The following STAMBPL1 variants were observed in gnomAD, a reference collection of about 807,000 sequenced individuals.
STAMBPL1 encodes the protein STAM binding protein like 1, also known as AMSH-like protease.
A neutral mutation model predicts 52.9 loss-of-function variants in STAMBPL1; 44 were observed. The ratio of observed to expected loss-of-function variants is 0.83; its 90% CI spans 0.65 to 1.07. The LOEUF (loss-of-function observed/expected upper bound fraction) is 1.07. Among genes scored for constraint, STAMBPL1 ranks in the 50% least tolerant of loss-of-function variants. STAMBPL1 has a pLI of 0.00. For synonymous variants in STAMBPL1, 164 were observed against 177.3 expected, an observed-to-expected ratio of 0.92 and a Z score of 0.60; for missense variants, 511 against 520.8, an observed-to-expected ratio of 0.98 and a Z score of 0.18.
chr10:88,905,763 C>T, intron 3 of STAMBPL1, 103 bp downstream of exon 3: 1 of 861,960 alleles, frequency 1.2e-6, no homozygotes, highest in African/African-American at 1.7e-5. Flanking sequence ...ATATTCAGAC[C>T]AATTGCACAG....
chr10:88,882,190 T>G (rs1589343155), intron 1 of STAMBPL1: 1 of 149,590 alleles, frequency 6.7e-6, no homozygotes, highest in South Asian at 2.2e-4. Flanking sequence ...TTTACCTCTA[T>G]CTCAACCTTC....
In STAMBPL1 at chr10:88,921,332, A is replaced by G. The variant is rs1443904151; in HGVS notation, c.1091A>G (p.His364Arg). The G allele has an allele frequency of 6.2e-7, 1 of 1,613,356 alleles. No homozygotes were observed. The highest frequency in any genetic ancestry group is 1.1e-5 in the South Asian group (1 of 91,064). ...TTATCCAGCGTTGATCTTCACACTC[A>G]CTGTTCCTATCAACTCATGTTGCCA... The part of the protein sequence containing the change: ...AFLSSVDLHT[H>R]CSYQLMLPEA... The change falls in exon 9 of 11, where the codon CAC becomes CGC. Residue 364 changes from histidine to arginine, a missense_variant. Around this residue, in one of 3 missense-constraint regions of STAMBPL1, gnomAD observed 137 missense variants for 139.9 expected, o/e 0.98. Coordinates refer to ENST00000371926, the MANE Select transcript of STAMBPL1 (RefSeq NM_020799.4).
intron 4 of STAMBPL1, among the ~76,000 whole-genome samples, chr10:88,909,495 A>G (rs1298118219): frequency 6.6e-6 from 1 of 152,214 alleles, no homozygotes; most frequent in Non-Finnish European, 1.5e-5. Flanking sequence ...ATAATTTTTG[A>G]AAAACACTTT....
At chr10:88,880,838 C>T (rs1310436575) in intron 1 of STAMBPL1, among the ~76,000 whole-genome samples, 200 bp downstream of exon 1, 5 of 152,220 alleles carry the variant, frequency 3.3e-5, no homozygotes, top group African/African-American at 1.2e-4. Context: ...CGGCCGCCTC[C>T]ATCGGCGCCG....
intron 9 of STAMBPL1, among the ~76,000 whole-genome samples, chr10:88,921,752 G>A (rs574926376): frequency 6.6e-6 from 1 of 152,212 alleles, no homozygotes; most frequent in East Asian, 1.9e-4. Flanking sequence ...GGGGAACAAT[G>A]ATTATTGTAG....
intron 8 of STAMBPL1, among the ~76,000 whole-genome samples, chr10:88,919,057 T>C (rs978302169): frequency 6.6e-6 from 1 of 152,170 alleles, no homozygotes; most frequent in Non-Finnish European, 1.5e-5. Flanking sequence ...TTATTAAGTA[T>C]AATAATAGCA....
At chr10:88,920,245 T>C (rs2133216880) in intron 8 of STAMBPL1, among the ~76,000 whole-genome samples, 1 of 152,366 alleles carries the variant, frequency 6.6e-6, no homozygotes, top group East Asian at 1.9e-4. Context: ...TTTTAGTTAA[T>C]AAATACATTT....
chr10:88,891,674 A>C (rs1338936362), intron 1 of STAMBPL1, among the ~76,000 whole-genome samples: 2 of 152,092 alleles, frequency 1.3e-5, no homozygotes, highest in Non-Finnish European at 2.9e-5. Flanking sequence ...TTTTTTTGCC[A>C]AAAAAATGCA....
intron 3 of STAMBPL1, among the ~76,000 whole-genome samples, chr10:88,907,818 A>T (rs1047616634): frequency 4.6e-5 from 7 of 152,176 alleles, no homozygotes; most frequent in Non-Finnish European, 8.8e-5. Flanking sequence ...TTATGCTAAC[A>T]TTTCTGTCTA....
At chr10:88,904,405 A>C (rs1336490930) in intron 2 of STAMBPL1, among the ~76,000 whole-genome samples, 1 of 152,248 alleles carries the variant, frequency 6.6e-6, no homozygotes, top group Admixed American at 6.5e-5. Flanking sequence ...CTGCCAGTAC[A>C]TGGACCATGC....
intron 1 of STAMBPL1, among the ~76,000 whole-genome samples, chr10:88,892,035 T>C (rs1311266426): frequency 4.6e-5 from 7 of 151,080 alleles, no homozygotes; most frequent in African/African-American, 1.7e-4. Flanking sequence ...AAAAAAAAGG[T>C]GTCTTATAGA....
At position 88,914,773 on chromosome 10, in the gene STAMBPL1, TA is replaced by T. The variant is rs1845328001; in HGVS notation, c.903+116del. Reference sequence around the variant, plus strand: ...ATAAAACCATGCTAAGAGTTATCAATATTATGAAATTAACGTTACACAGATT... The same window carrying T: ...ATAAAACCATGCTAAGAGTTATCAATTTATGAAATTAACGTTACACAGATT... On this transcript the variant is annotated intron_variant, in intron 7 of 10. Coordinates refer to ENST00000371926, the MANE Select transcript of STAMBPL1 (RefSeq NM_020799.4). 4 of 381,518 alleles carry T rather than the reference TA, an allele frequency of 1.0e-5. No homozygotes were observed. In the South Asian group the frequency reaches 4.8e-4, roughly 46 times the overall value. The allele number at this position is 381,518 out of a possible 1,614,324, so 23.6% of individuals were successfully genotyped here.
Position 88,913,362 on chromosome 10 carries a change from G to GATC in STAMBPL1, c.684_686dup (p.Asp228_Gln229insHis). ...CAATTCCTTGCTGAATGTATTTGCAGATCAACCTAATAAAAGTGATGCAAC... is the reference window on the plus strand; with the variant it reads ...CAATTCCTTGCTGAATGTATTTGCAGATCATCAACCTAATAAAAGTGATGCAAC... On this transcript the variant is annotated inframe_insertion, in exon 6 of 11. Transcript: ENST00000371926. 1 of 1,613,832 alleles carries GATC rather than the reference G, an allele frequency of 6.2e-7. No individual in the cohort carries two copies. Among genetic ancestry groups the GATC allele is most frequent in the Non-Finnish European group, 8.5e-7 (1 of 1,179,830 alleles).
intron 8 of STAMBPL1, among the ~76,000 whole-genome samples, chr10:88,919,589 C>T (rs1845454167): frequency 6.6e-6 from 1 of 152,166 alleles, no homozygotes; most frequent in Admixed American, 6.5e-5. Flanking sequence ...TTTAATTTCT[C>T]ACGAAGACAT....
At chr10:88,884,681 C>A (rs1014896536) in intron 1 of STAMBPL1, among the ~76,000 whole-genome samples, 1 of 152,114 alleles carries the variant, frequency 6.6e-6, no homozygotes. Flanking sequence ...TTCTTTCCTG[C>A]GGAGCCCTGG....
intron 1 of STAMBPL1, among the ~76,000 whole-genome samples, chr10:88,892,902 A>G (rs1021375804): frequency 2.0e-5 from 3 of 152,250 alleles, no homozygotes; most frequent in African/African-American, 7.2e-5. Flanking sequence ...CTGAGCTTTC[A>G]GGCAACTGGC....
At chr10:88,911,534 T>G (rs938370791) in intron 5 of STAMBPL1, among the ~76,000 whole-genome samples, 3 of 152,210 alleles carry the variant, frequency 2.0e-5, no homozygotes, top group Non-Finnish European at 4.4e-5. Context: ...AGAGTGAACA[T>G]TATGATAATG....
At chr10:88,911,366 G>A (rs895324943) in intron 5 of STAMBPL1, among the ~76,000 whole-genome samples, 4 of 152,178 alleles carry the variant, frequency 2.6e-5, no homozygotes, top group Non-Finnish European at 5.9e-5. Context: ...AGCAGTATAT[G>A]GTTTCTGATG....
chr10:88,911,953 T>G (rs902712406), intron 5 of STAMBPL1, among the ~76,000 whole-genome samples: 1 of 152,176 alleles, frequency 6.6e-6, no homozygotes, highest in African/African-American at 2.4e-5. Context: ...GTCAGCAATG[T>G]GTATGATCTT....
Sources: allele counts gnomAD v4.1 joint callset (sites outside exome capture counted in the v4.1 genomes callset), GRCh38; gene constraint gnomAD v4.1.1; regional missense constraint gnomAD v4.1.1; transcripts MANE v1.5; gene names NCBI Gene and HGNC (gene_info 2026-07-23, HGNC 2026-07-21).